GMIP: variants seen among roughly 807,000 people sequenced by gnomAD.
The protein encoded by GMIP is GEM-interacting protein.
GMIP carries 54 observed loss-of-function variants against 105.3 expected under a neutral mutation model. The observed-to-expected ratio is 0.51, with a 90% CI of 0.41 to 0.64. The LOEUF is 0.64. Among genes scored for constraint, GMIP ranks in the 30% least tolerant of loss-of-function variants. The pLI, the probability that GMIP is intolerant of heterozygous loss-of-function variation, is 0.00. For missense variants in GMIP, 1,110 were observed against 1,319.4 expected, an observed-to-expected ratio of 0.84 and a Z score of 2.46; for synonymous variants, 541 against 560.8, an observed-to-expected ratio of 0.96 and a Z score of 0.50.
Position 19,630,309 on chromosome 19 carries a change from A to T in GMIP, c.2567T>A (p.Leu856His). 1 of 1,543,494 alleles carries T rather than the reference A, an allele frequency of 6.5e-7. No individual in the cohort carries two copies. Among genetic ancestry groups the T allele is most frequent in the South Asian group, 1.3e-5 (1 of 79,548 alleles). The change falls in exon 21 of 21, where the codon CTC becomes CAC. Residue 856 changes from leucine (L) to histidine (H), a missense_variant. Physicochemically the swap from Leu to His is moderately conservative, Grantham distance 99 (BLOSUM62 -3). Transcript: ENST00000203556. This position sits in a 1 kb window ranked among gnomAD's most constrained non-coding sequence, Gnocchi z 4.8. ...GTGGCCACGAGACTGTGTCCCCAGGAGTGAGTCCTCTGGGCCTTGGCTGGA... is the reference window on the plus strand; with the variant it reads ...GTGGCCACGAGACTGTGTCCCCAGGTGTGAGTCCTCTGGGCCTTGGCTGGA... Reference protein sequence around the residue: ...EVSSQGPEDSLLGTQSRGHFS... With the variant: ...EVSSQGPEDSHLGTQSRGHFS...
rs2061858032 is a variant in GMIP at position 19,636,762 on chromosome 19, G to A, written c.1272C>T (p.Asp424=). ...GAGACTCGCTGCCGCCACCCACGCT[G>A]TCCACATCGCTGCCCGGAGTGGGGC... ...TPGPTPGSDV[D]SVGGGSESRS... The change falls in exon 13 of 21, where the codon GAC becomes GAT. Residue 424 remains aspartate, a synonymous_variant. Transcript: ENST00000203556. 14 of 1,613,334 alleles carry A rather than the reference G, an allele frequency of 8.7e-6. No individual in the cohort carries two copies. Among genetic ancestry groups the A allele is most frequent in the African/African-American group, 1.3e-5 (1 of 74,878 alleles).
In GMIP at chr19:19,634,486, G is replaced by A. The variant is rs2061829403; in HGVS notation, c.2084+21C>T. 1 of 1,580,344 alleles carries A rather than the reference G, an allele frequency of 6.3e-7. No homozygotes were observed. The highest frequency in any genetic ancestry group is 1.4e-5 in the African/African-American group (1 of 72,832). On this transcript the variant is annotated intron_variant, in intron 18 of 20. Coordinates refer to ENST00000203556, the MANE Select transcript of GMIP (RefSeq NM_016573.4). This position sits in a 1 kb window ranked among gnomAD's most constrained non-coding sequence, Gnocchi z 6.1. ...TCCAGGGAAAAGGGTCGCGTTTCAA[G>A]GCTCAGGGACCCATGCACACCTGAA...
rs1310748686 is a variant in GMIP at position 19,637,906 on chromosome 19, G to A, written c.927+14C>T. 8.8e-6 allele frequency: 14 copies of A among 1,588,856 alleles called. No homozygotes were observed. The highest frequency in any genetic ancestry group is 1.2e-5 in the Non-Finnish European group (14 of 1,168,138). ...ACGGGGTGAGGGGAGGATGGCCTTG[G>A]GGATGGGCCTCACCCGCCTCAGCAC... is the stretch of plus-strand genomic sequence containing the variant. On this transcript the variant is annotated intron_variant, in intron 10 of 20. Coordinates refer to ENST00000203556, the MANE Select transcript of GMIP (RefSeq NM_016573.4). This position sits in a 1 kb window ranked among gnomAD's most constrained non-coding sequence, Gnocchi z 6.7.
At position 19,642,559 on chromosome 19, in the gene GMIP, T is replaced by A; in HGVS notation, c.80A>T (p.Asn27Ile). The A allele has an allele frequency of 6.2e-7, 1 of 1,610,510 alleles. No individual in the cohort carries two copies. The highest frequency in any genetic ancestry group is 8.5e-7 in the Non-Finnish European group (1 of 1,177,202). ...CACGTTCCCCAGTGAGATTTCGAGG[T>A]TGTCCAGGCTCCGGAAGATGTCACT... The part of the protein sequence containing the change: ...RYSDIFRSLD[N>I]LEISLGNVTL... The change falls in exon 2 of 21, where the codon AAC becomes ATC. Residue 27 changes from asparagine (N) to isoleucine (I), a missense_variant. Asn to Ile is a moderately radical substitution (Grantham distance 149). Coordinates refer to ENST00000203556, the MANE Select transcript of GMIP (RefSeq NM_016573.4).
In GMIP at chr19:19,635,303, G is replaced by A. The variant is rs2061841994; in HGVS notation, c.1561-90C>T. 6.6e-7 allele frequency: 1 copy of A among 1,519,536 alleles called. No individual in the cohort carries two copies. The highest frequency in any genetic ancestry group is 9.0e-7 in the Non-Finnish European group (1 of 1,107,502). The allele number at this position is 1,519,536 out of a possible 1,614,324, so 94.1% of individuals were successfully genotyped here. On this transcript the variant is annotated intron_variant, in intron 15 of 20. Transcript: ENST00000203556. This position sits in a 1 kb window ranked among gnomAD's most constrained non-coding sequence, Gnocchi z 4.7. ...GGATCCTCAAGGAATGGGGGCTCAT[G>A]GGAGACATCAGGTTAGGGTGGGTCC... is the stretch of plus-strand genomic sequence containing the variant.
At position 19,630,122 on chromosome 19, in the gene GMIP, G is replaced by A. The variant is rs1347581706; in HGVS notation, c.2754C>T (p.Ala918=). ...GGCGCAGGGGGCTGCCCTCAGGGGAGGCAGCTGCAGGGCTGGGCCCCCGCC... is the reference window on the plus strand; with the variant it reads ...GGCGCAGGGGGCTGCCCTCAGGGGAAGCAGCTGCAGGGCTGGGCCCCCGCC... ...LRGRGPSPAA[A]SPEGSPLRRT... The change falls in exon 21 of 21, where the codon GCC becomes GCT. Residue 918 remains alanine (A), a synonymous_variant. Coordinates refer to ENST00000203556, the MANE Select transcript of GMIP (RefSeq NM_016573.4). The surrounding 1 kb of genome is among the most constrained non-coding windows in gnomAD (Gnocchi z 4.8). 1 of 1,607,480 alleles carries A rather than the reference G, an allele frequency of 6.2e-7. No individual in the cohort carries two copies. Among genetic ancestry groups the A allele is most frequent in the African/African-American group, 1.3e-5 (1 of 74,944 alleles).
chr19:19,639,575 G>A (rs577895690), intron 7 of GMIP, among the ~76,000 whole-genome samples: 8 of 152,196 alleles, frequency 5.3e-5, no homozygotes, highest in African/African-American at 7.2e-5. Flanking sequence ...TTGGCTGGGC[G>A]TGGTGGCTCA....
rs367719186 is a variant in GMIP at position 19,630,095 on chromosome 19, G to A, written c.2781C>T (p.Arg927=). The A allele has an allele frequency of 6.2e-7, 1 of 1,610,868 alleles. No individual in the cohort carries two copies. Among genetic ancestry groups the A allele is most frequent in the Non-Finnish European group, 8.5e-7 (1 of 1,178,824 alleles). Residue 927 remains arginine, a synonymous_variant, in exon 21 of 21, where the codon CGC becomes CGT. Transcript: ENST00000203556. The surrounding 1 kb of genome is among the most constrained non-coding windows in gnomAD (Gnocchi z 4.8). ...AASPEGSPLR[R]TPLPKHFEIT... ...TCTCAAAATGCTTGGGCAGCGGGGTGCGGCGCAGGGGGCTGCCCTCAGGGG... is the reference window on the plus strand; with the variant it reads ...TCTCAAAATGCTTGGGCAGCGGGGTACGGCGCAGGGGGCTGCCCTCAGGGG...
chr19:19,637,817 G>T lies in GMIP; in HGVS notation c.927+103C>A. The T allele has an allele frequency of 7.9e-7, 1 of 1,266,332 alleles. No individual in the cohort carries two copies. The highest frequency in any genetic ancestry group is 1.1e-6 in the Non-Finnish European group (1 of 912,294). The allele number at this position is 1,266,332 out of a possible 1,614,324, so 78.4% of individuals were successfully genotyped here. On this transcript the variant is annotated intron_variant, in intron 10 of 20. Transcript: ENST00000203556. This position sits in a 1 kb window ranked among gnomAD's most constrained non-coding sequence, Gnocchi z 6.7. ...CGGGAACTGGCTGTCGAGGGAAATGGCCTAGTCCTGGTGTCTCCAGGGTGG... is the reference window on the plus strand; with the variant it reads ...CGGGAACTGGCTGTCGAGGGAAATGTCCTAGTCCTGGTGTCTCCAGGGTGG...
At position 19,630,429 on chromosome 19, in the gene GMIP, G is replaced by A; in HGVS notation, c.2539+42C>T. 12 of 1,607,198 alleles carry A rather than the reference G, an allele frequency of 7.5e-6. No homozygotes were observed. The highest frequency in any genetic ancestry group is 1.0e-5 in the Non-Finnish European group (12 of 1,175,380). The stretch of plus-strand genomic sequence containing the variant: ...CTTTTAGCAAGCCACCCTGGGGCCA[G>A]GGCACCCCCAGAACTCCTGAGCCTC... On this transcript the variant is annotated intron_variant, in intron 20 of 20. Transcript: ENST00000203556. The surrounding 1 kb of genome is among the most constrained non-coding windows in gnomAD (Gnocchi z 4.8).
At position 19,634,653 on chromosome 19, in the gene GMIP, C is replaced by T. The variant is rs1318444164; in HGVS notation, c.1938G>A (p.Leu646=). 38 of 1,612,790 alleles carry T rather than the reference C, an allele frequency of 2.4e-5. No homozygotes were observed. Among genetic ancestry groups the T allele is most frequent in the Non-Finnish European group, 3.1e-5 (37 of 1,179,450 alleles). Residue 646 remains leucine (L), a synonymous_variant, in exon 18 of 21, where the codon CTG becomes CTA. Coordinates refer to ENST00000203556, the MANE Select transcript of GMIP (RefSeq NM_016573.4). The surrounding 1 kb of genome is among the most constrained non-coding windows in gnomAD (Gnocchi z 6.1). ...CAGGGTCTGCATGCAAGGTCTTAGCCAGAGAGATGAAGGCGTCGTAGAGGT... is the reference window on the plus strand; with the variant it reads ...CAGGGTCTGCATGCAAGGTCTTAGCTAGAGAGATGAAGGCGTCGTAGAGGT... ...PFHLYDAFIS[L]AKTLHADPGD...
intron 1 of GMIP, 39 bp from the exon 2 acceptor site, chr19:19,642,658 C>A: frequency 9.8e-7 from 1 of 1,024,114 alleles, no homozygotes; most frequent in Non-Finnish European, 1.5e-6. Flanking sequence ...TAACCACTGC[C>A]TCCCTCCACC....
intron 19 of GMIP, among the ~76,000 whole-genome samples, chr19:19,632,322 G>A (rs941859363): frequency 5.3e-5 from 8 of 151,950 alleles, no homozygotes; most frequent in Non-Finnish European, 1.5e-5. Flanking sequence ...AACTGCGGCC[G>A]GGTGTGGTGG....
In GMIP at chr19:19,630,479, C is replaced by A; in HGVS notation, c.2531G>T (p.Gly844Val). ...CTCTCTAACATACTCACCTTCCCCT[C>A]CCCCATCTTTGGTGTCTTCAGCCAC... ...EDVAEDTKDG[G>V]GEVSSQGPED... Residue 844 changes from glycine to valine, a missense_variant, in exon 20 of 21, where the codon GGA (glycine) becomes GTA (valine). Around this residue, in one of 3 missense-constraint regions of GMIP, gnomAD observed 394 missense variants for 450.5 expected, o/e 0.87. Coordinates refer to ENST00000203556, the MANE Select transcript of GMIP (RefSeq NM_016573.4). The surrounding 1 kb of genome is among the most constrained non-coding windows in gnomAD (Gnocchi z 4.8). 1.2e-6 allele frequency: 2 copies of A among 1,613,628 alleles called. No homozygotes were observed. Among genetic ancestry groups the A allele is most frequent in the Non-Finnish European group, 1.7e-6 (2 of 1,179,558 alleles).
At chr19:19,636,347 A>T (rs1004136738) in intron 13 of GMIP, among the ~76,000 whole-genome samples, 17 of 151,800 alleles carry the variant, frequency 1.1e-4, no homozygotes, top group Non-Finnish European at 2.1e-4. Flanking sequence ...ACATGGTGAA[A>T]CCCCGTCTCT....
Position 19,633,931 on chromosome 19 carries a change from T to C in GMIP, c.2344A>G (p.Thr782Ala), listed in dbSNP as rs1370157062. 9.0e-6 allele frequency: 14 copies of C among 1,551,906 alleles called. No individual in the cohort carries two copies. Among genetic ancestry groups the C allele is most frequent in the Non-Finnish European group, 1.2e-5 (14 of 1,144,234 alleles). Reference protein sequence around the residue: ...DSSPAPGPLTTSSQPPPPHLD... With the variant: ...DSSPAPGPLTASSQPPPPHLD... ...TGCGGGGGTGGCGGTTGGGAGCTGG[T>C]TGTGAGGGGCCCAGGGGCTGGGCTG... Residue 782 changes from threonine to alanine, a missense_variant, in exon 19 of 21, where the codon ACC (threonine) becomes GCC (alanine). Coordinates refer to ENST00000203556, the MANE Select transcript of GMIP (RefSeq NM_016573.4).
rs1248619259 is a variant in GMIP at position 19,635,463 on chromosome 19, C to T, written c.1512G>A (p.Lys504=). 2 of 1,610,274 alleles carry T rather than the reference C, an allele frequency of 1.2e-6. No individual in the cohort carries two copies. The highest frequency in any genetic ancestry group is 2.7e-5 in the African/African-American group (2 of 74,914). ...HQLRRLRGPA[K]CRECEAFMVS... ...CCATGAAGGCTTCGCACTCGCGGCA[C>T]TTGGCTGGGCCCCGCAGTCGCCGCA... Residue 504 remains lysine (K), a synonymous_variant, in exon 15 of 21, where the codon AAG becomes AAA. Coordinates refer to ENST00000203556, the MANE Select transcript of GMIP (RefSeq NM_016573.4). This position sits in a 1 kb window ranked among gnomAD's most constrained non-coding sequence, Gnocchi z 4.7.
In GMIP at chr19:19,641,821, A is replaced by G; in HGVS notation, c.227T>C (p.Val76Ala). 6.2e-7 allele frequency: 1 copy of G among 1,611,328 alleles called. No individual in the cohort carries two copies. The highest frequency in any genetic ancestry group is 1.1e-5 in the South Asian group (1 of 90,834). ...CWSGPSPEGP[V>A]PLTGEELDLR... ...CCAGACCCCCCTACCTGTGAGGGGT[A>G]CAGGACCCTCTGGGGAGGGGCCGCT... is the stretch of plus-strand genomic sequence containing the variant. The change falls in exon 4 of 21, where the codon GTA (valine) becomes GCA (alanine). Residue 76 changes from valine (V) to alanine (A), a missense_variant. Physicochemically the swap from Val to Ala is moderately conservative, Grantham distance 64 (BLOSUM62 0). Transcript: ENST00000203556.
intron 12 of GMIP, 48 bp from the exon 13 acceptor site, chr19:19,636,844 C>A: frequency 6.4e-7 from 1 of 1,568,276 alleles, no homozygotes; most frequent in Non-Finnish European, 8.7e-7. Flanking sequence ...ACAAACCCCA[C>A]TCCTGCAGCC....
Sources: gnomAD v4.1 joint callset for allele counts (sites outside exome capture counted in the v4.1 genomes callset) on GRCh38, gnomAD v4.1.1 for gene constraint, gnomAD v4.1.1 regional missense constraint, Gnocchi (gnomAD v3.1) non-coding constraint, MANE v1.5 for transcripts, NCBI Gene and HGNC (gene_info 2026-07-23, HGNC 2026-07-21) for gene names.